Variants in GAB2 observed in about 807,000 individuals in gnomAD.
The protein encoded by GAB2 is GRB2-associated-binding protein 2.
In GAB2, 26 loss-of-function variants were observed where a neutral mutation model predicts 65.5. The ratio of observed to expected loss-of-function variants is 0.40; its 90% CI spans 0.29 to 0.55. The LOEUF (loss-of-function observed/expected upper bound fraction) is 0.55. Ranked by LOEUF, GAB2 falls within the 20% of genes least tolerant of loss-of-function variation. The probability of loss-of-function intolerance (pLI) is 0.53; values close to 1 mark genes in which losing one functional copy is unlikely to be tolerated. For missense variants in GAB2, 884 were observed against 875.8 expected, an observed-to-expected ratio of 1.01 and a Z score of -0.12; for synonymous variants, 321 against 329.6, an observed-to-expected ratio of 0.97 and a Z score of 0.28.
intron 1 of GAB2, among the ~76,000 whole-genome samples, chr11:78,334,376 T>C (rs950582281): frequency 6.6e-6 from 1 of 152,204 alleles, no homozygotes; most frequent in African/African-American, 2.4e-5. Flanking sequence ...TTGGTGCCCA[T>C]TAATCATCCC....
chr11:78,250,536 C>G, intron 2 of GAB2, 136 bp from the exon 3 acceptor site: 1 of 765,774 alleles, frequency 1.3e-6, no homozygotes, highest in South Asian at 1.7e-5. Flanking sequence ...CTCTCATATA[C>G]CTGCCCCTTG....
chr11:78,273,013 T>C (rs528944599), intron 2 of GAB2, among the ~76,000 whole-genome samples: 4 of 152,356 alleles, frequency 2.6e-5, no homozygotes, highest in East Asian at 1.9e-4. Flanking sequence ...AAGTCAGGAA[T>C]TGAGGTTTAC....
At chr11:78,357,129 C>T (rs1220304788) in intron 1 of GAB2, among the ~76,000 whole-genome samples, 3 of 152,020 alleles carry the variant, frequency 2.0e-5, no homozygotes, top group Non-Finnish European at 4.4e-5. Context: ...CTGAATTGTT[C>T]ACTTAAAAAT....
intron 1 of GAB2, among the ~76,000 whole-genome samples, chr11:78,357,289 G>C (rs1185988633): frequency 2.0e-5 from 3 of 152,132 alleles, no homozygotes; most frequent in Non-Finnish European, 4.4e-5. Context: ...ACTGTTTCAA[G>C]TGTGGGCAAT....
chr11:78,233,502 T>A (rs2510040), intron 3 of GAB2, among the ~76,000 whole-genome samples: 29,719 of 152,136 alleles, frequency 0.2, 3,128 homozygotes, highest in East Asian at 0.4. Flanking sequence ...ATTAAAAAAA[T>A]ATTGGATTGC....
At chr11:78,295,864 T>A (rs1866809499) in intron 1 of GAB2, among the ~76,000 whole-genome samples, 1 of 152,196 alleles carries the variant, frequency 6.6e-6, no homozygotes, top group Non-Finnish European at 1.5e-5. Flanking sequence ...TTATTTCTGG[T>A]AGTTATGGTC....
intron 1 of GAB2, among the ~76,000 whole-genome samples, chr11:78,281,556 C>T (rs1286674340): frequency 6.6e-6 from 1 of 152,172 alleles, no homozygotes; most frequent in East Asian, 1.9e-4. Flanking sequence ...GACCTTAAAG[C>T]TTTTAATAGG....
At chr11:78,294,201 G>C (rs1222748606) in intron 1 of GAB2, among the ~76,000 whole-genome samples, 4 of 152,278 alleles carry the variant, frequency 2.6e-5, no homozygotes, top group African/African-American at 7.2e-5. Context: ...AGTTTGCTGA[G>C]AATGATGGTT....
chr11:78,298,795 T>C (rs1470046912), intron 1 of GAB2, among the ~76,000 whole-genome samples: 1 of 152,196 alleles, frequency 6.6e-6, no homozygotes, highest in Non-Finnish European at 1.5e-5. Context: ...AGTAGACAAA[T>C]GATGCCCAGG....
chr11:78,250,908 A>C (rs1444962075), intron 2 of GAB2, among the ~76,000 whole-genome samples: 1 of 152,222 alleles, frequency 6.6e-6, no homozygotes, highest in Admixed American at 6.5e-5. Context: ...CACAGGGTGC[A>C]CATGGACATA....
intron 3 of GAB2, among the ~76,000 whole-genome samples, chr11:78,227,436 T>C (rs1252659037): frequency 6.6e-6 from 1 of 152,148 alleles, no homozygotes; most frequent in Non-Finnish European, 1.5e-5. Context: ...ATTTTACCTC[T>C]CTGAGTCTAT....
intron 1 of GAB2, among the ~76,000 whole-genome samples, chr11:78,374,705 T>C (rs1265237062): frequency 6.6e-6 from 1 of 152,178 alleles, no homozygotes; most frequent in Non-Finnish European, 1.5e-5. Context: ...TAAATTAAAA[T>C]ACAATTTAGT....
At position 78,369,370 on chromosome 11, in the gene GAB2, G is replaced by A. The variant is rs367666876; in HGVS notation, c.75+48276C>T. ...TACTGTATTTGAGCCATGACTTACT[G>A]TAGCAAAGTTAAAATCTAAAATGTA... On this transcript the variant is annotated intron_variant, in intron 1 of 9. Transcript: ENST00000361507. 5.3e-5 allele frequency among the ~76,000 whole-genome samples: 8 copies of A among 152,138 alleles called. No homozygotes were observed. In the East Asian group the frequency reaches 9.6e-4, roughly 18 times the overall value.
intron 1 of GAB2, among the ~76,000 whole-genome samples, chr11:78,343,748 G>C (rs1856138696): frequency 6.6e-6 from 1 of 151,880 alleles, no homozygotes; most frequent in Admixed American, 6.6e-5. Context: ...AGAAACAGGT[G>C]AAATTAATTT....
In GAB2 at chr11:78,288,396, A is replaced by AAAAAG. The variant is rs1554983795; in HGVS notation, c.76-7496_76-7495insCTTTT. On this transcript the variant is annotated intron_variant, in intron 1 of 9. Coordinates refer to ENST00000361507, the MANE Select transcript of GAB2 (RefSeq NM_080491.3). The stretch of plus-strand genomic sequence containing the variant: ...TCCATCTCAAAGAAAAAAAAAAAAA[A>AAAAAG]AAGAAGAAGAAGAAGAAGAAAGAAA... Among the ~76,000 whole-genome samples, 31 of 149,892 alleles carry AAAAAG rather than the reference A, an allele frequency of 2.1e-4. No individual in the cohort carries two copies. In the East Asian group the frequency reaches 3.7e-3, roughly 18 times the overall value.
Position 78,217,555 on chromosome 11 carries a change from G to A in GAB2, c.*1717C>T, listed in dbSNP as rs186554426. The A allele has an allele frequency of 2.0e-5, 3 of 152,370 alleles. No homozygotes were observed. The East Asian group carries it at 5.8e-4, about 29-fold the overall frequency. The allele number at this position is 152,370 out of a possible 1,614,324, so 9.4% of individuals were successfully genotyped here. On this transcript the variant is annotated 3_prime_UTR_variant, in exon 10 of 10. Transcript: ENST00000361507. Reference sequence around the variant, plus strand: ...GCAGGAAGTCATTGTTTGGGAGGAAGAAGTTCTGTTCGCCCCAGGGTAGAA... The same window carrying A: ...GCAGGAAGTCATTGTTTGGGAGGAAAAAGTTCTGTTCGCCCCAGGGTAGAA...
chr11:78,388,947 A>G (rs1256552680), intron 1 of GAB2, among the ~76,000 whole-genome samples: 2 of 152,236 alleles, frequency 1.3e-5, no homozygotes, highest in Non-Finnish European at 2.9e-5. Context: ...CTAGGGATGT[A>G]TTGGTCAGAA....
rs1856261038 is a variant in GAB2 at position 78,350,611 on chromosome 11, C to T, written c.75+67035G>A. On this transcript the variant is annotated intron_variant, in intron 1 of 9. Transcript: ENST00000361507. The stretch of plus-strand genomic sequence containing the variant: ...AATAAAAACTTCTAAAAAGTATATA[C>T]AAGGATAATCTGAAATTCAGCCATA... 2.0e-5 allele frequency among the ~76,000 whole-genome samples: 3 copies of T among 152,260 alleles called. No homozygotes were observed. The South Asian group carries it at 6.2e-4, about 32-fold the overall frequency.
At chr11:78,358,651 G>C (rs893351217) in intron 1 of GAB2, among the ~76,000 whole-genome samples, 1 of 151,866 alleles carries the variant, frequency 6.6e-6, no homozygotes, top group Non-Finnish European at 1.5e-5. Context: ...ATCCATTCTG[G>C]TAGAATAAAT....
Sources: allele counts gnomAD v4.1 joint callset (sites outside exome capture counted in the v4.1 genomes callset), GRCh38; gene constraint gnomAD v4.1.1; transcripts MANE v1.5; gene names NCBI Gene and HGNC (gene_info 2026-07-23, HGNC 2026-07-21).